Variants in SYN3 observed in about 807,000 individuals in gnomAD.
The protein encoded by SYN3 is synapsin III.
SYN3 carries 35 observed loss-of-function variants against 65.8 expected under a neutral mutation model. That is an observed-to-expected ratio of 0.53 (90% CI 0.41 to 0.70). The LOEUF (loss-of-function observed/expected upper bound fraction) is 0.70. Ranked by LOEUF, SYN3 falls within the 30% of genes least tolerant of loss-of-function variation. The pLI, the probability that SYN3 is intolerant of heterozygous loss-of-function variation, is 0.00. For synonymous variants in SYN3, 270 were observed against 292.9 expected, an observed-to-expected ratio of 0.92 and a Z score of 0.80; for missense variants, 680 against 749.0, an observed-to-expected ratio of 0.91 and a Z score of 1.08.
chr22:32,938,178 T>C (rs532979053), intron 3 of SYN3, among the ~76,000 whole-genome samples: 1 of 152,260 alleles, frequency 6.6e-6, no homozygotes, highest in South Asian at 2.1e-4. Flanking sequence ...AACAGCTTCT[T>C]GTGAGAAAAT....
At chr22:32,641,476 C>T (rs879532523) in intron 6 of SYN3, among the ~76,000 whole-genome samples, 5 of 151,466 alleles carry the variant, frequency 3.3e-5, no homozygotes, top group East Asian at 1.9e-4. Flanking sequence ...GGCGTGGTGG[C>T]GGGCGCCTGT....
chr22:32,959,657 C>T (rs760446689), intron 3 of SYN3, among the ~76,000 whole-genome samples: 39 of 151,948 alleles, frequency 2.6e-4, no homozygotes, highest in Non-Finnish European at 4.9e-4. Context: ...TGCAATGATG[C>T]GATCACGGCT....
chr22:32,762,513 T>G (rs1028986110), intron 6 of SYN3, among the ~76,000 whole-genome samples: 2 of 152,222 alleles, frequency 1.3e-5, no homozygotes, highest in Non-Finnish European at 2.9e-5. Context: ...GTGGTGGAAA[T>G]GGTGCCAGAT....
chr22:32,858,330 G>A (rs1008386838), intron 6 of SYN3, among the ~76,000 whole-genome samples: 1 of 152,192 alleles, frequency 6.6e-6, no homozygotes, highest in Non-Finnish European at 1.5e-5. Flanking sequence ...GGAAGGCAGG[G>A]AAGGAAGAAT....
At chr22:32,543,703 T>C (rs936757031) in intron 7 of SYN3, among the ~76,000 whole-genome samples, 1 of 152,074 alleles carries the variant, frequency 6.6e-6, no homozygotes, top group Admixed American at 6.5e-5. Flanking sequence ...GTCGTGCGGG[T>C]AGATGTGCCT....
chr22:32,680,525 C>T (rs2060508894), intron 6 of SYN3, among the ~76,000 whole-genome samples: 1 of 152,172 alleles, frequency 6.6e-6, no homozygotes, highest in Non-Finnish European at 1.5e-5. Context: ...ATCTGGCTGA[C>T]AGCACTCTCA....
chr22:32,679,838 G>GTTTTTTTTTTTTTTTTTTT (rs2060497017), intron 6 of SYN3, among the ~76,000 whole-genome samples: 5 of 6,544 alleles, frequency 7.6e-4, no homozygotes, highest in Non-Finnish European at 8.6e-4. Flanking sequence ...TTGTTTTTTG[G>GTTTTTTTTTTTTTTTTTTT]CTTTTTTTTT....
intron 1 of SYN3, among the ~76,000 whole-genome samples, chr22:33,039,012 C>T (rs771061990): frequency 3.9e-5 from 6 of 152,192 alleles, no homozygotes; most frequent in Non-Finnish European, 8.8e-5. Flanking sequence ...TCCTCCAGGG[C>T]TCATCTCCCA....
intron 4 of SYN3, among the ~76,000 whole-genome samples, chr22:32,893,487 A>G (rs575846721): frequency 2.0e-5 from 3 of 152,338 alleles, no homozygotes; most frequent in Non-Finnish European, 4.4e-5. Context: ...CTCCTGCAGG[A>G]GTCAACCCTT....
At chr22:32,561,157 A>G (rs1407833720) in intron 7 of SYN3, among the ~76,000 whole-genome samples, 1 of 152,110 alleles carries the variant, frequency 6.6e-6, no homozygotes, top group Non-Finnish European at 1.5e-5. Flanking sequence ...CTCCTAGTGG[A>G]TGGGAACAGA....
chr22:32,660,944 C>T (rs1220153666), intron 6 of SYN3, among the ~76,000 whole-genome samples: 1 of 152,166 alleles, frequency 6.6e-6, no homozygotes, highest in Non-Finnish European at 1.5e-5. Flanking sequence ...CTGAGAGTGC[C>T]GTTCAAGGTT....
intron 6 of SYN3, among the ~76,000 whole-genome samples, chr22:32,847,085 C>A (rs562282661): frequency 7.9e-5 from 12 of 152,274 alleles, no homozygotes; most frequent in African/African-American, 2.9e-4. Flanking sequence ...CCTCCCACAC[C>A]CCCCGGCCAA....
intron 6 of SYN3, among the ~76,000 whole-genome samples, chr22:32,601,760 A>T (rs112218931): frequency 6.6e-6 from 1 of 152,176 alleles, no homozygotes; most frequent in African/African-American, 2.4e-5. Context: ...GGGAAGCAGG[A>T]TAGTTCTGGA....
chr22:32,900,673 T>A (rs933261024), intron 4 of SYN3, among the ~76,000 whole-genome samples: 2 of 152,200 alleles, frequency 1.3e-5, no homozygotes, highest in Non-Finnish European at 2.9e-5. Flanking sequence ...TACTCCTCAC[T>A]TCATCCCCAG....
chr22:32,812,283 G>A (rs749656085), intron 6 of SYN3, among the ~76,000 whole-genome samples: 4 of 152,108 alleles, frequency 2.6e-5, no homozygotes, highest in Non-Finnish European at 4.4e-5. Flanking sequence ...TTAGAAATAT[G>A]GTCTATTAAG....
chr22:33,055,536 T>C (rs1190288726), intron 1 of SYN3, among the ~76,000 whole-genome samples: 1 of 152,228 alleles, frequency 6.6e-6, no homozygotes, highest in South Asian at 2.1e-4. Context: ...TTAAGAAATA[T>C]GTGCTAAACC....
intron 6 of SYN3, among the ~76,000 whole-genome samples, chr22:32,610,517 A>C (rs5749471): frequency 0.63 from 95,248 of 152,008 alleles, 31,189 homozygotes; most frequent in African/African-American, 0.81. Flanking sequence ...CATGGACTCA[A>C]ACAATATGTG....
chr22:32,776,608 G>A (rs1353285930), intron 6 of SYN3, among the ~76,000 whole-genome samples: 2 of 152,162 alleles, frequency 1.3e-5, no homozygotes, highest in African/African-American at 2.4e-5. Flanking sequence ...ACCTTGAGGC[G>A]AGCTCTTTGC....
At chr22:32,574,230 C>T (rs992142352) in intron 7 of SYN3, among the ~76,000 whole-genome samples, 3 of 152,042 alleles carry the variant, frequency 2.0e-5, no homozygotes, top group African/African-American at 7.2e-5. Context: ...CCCACAATCC[C>T]AGCCACTCGG....
Sources: allele counts gnomAD v4.1 joint callset (sites outside exome capture counted in the v4.1 genomes callset), GRCh38; gene constraint gnomAD v4.1.1; transcripts MANE v1.5; gene names NCBI Gene and HGNC (gene_info 2026-07-23, HGNC 2026-07-21).